The following OPHN1 variants were observed in gnomAD, a reference collection of about 807,000 sequenced individuals.
The protein encoded by OPHN1 is oligophrenin 1, also known as oligophrenin-1.
In OPHN1, 11 loss-of-function variants were observed where a neutral mutation model predicts 60.7. That is an observed-to-expected ratio of 0.18 (90% CI 0.11 to 0.30). OPHN1 has a LOEUF of 0.30. Among genes scored for constraint, OPHN1 ranks in the 10% least tolerant of loss-of-function variants. The pLI, the probability that OPHN1 is intolerant of heterozygous loss-of-function variation, is 1.00. For synonymous variants in OPHN1, 226 were observed against 222.6 expected, an observed-to-expected ratio of 1.02 and a Z score of -0.14; for missense variants, 449 against 611.0, an observed-to-expected ratio of 0.73 and a Z score of 2.80.
intron 5 of OPHN1, among the ~76,000 whole-genome samples, chrX:68,244,164 C>T (rs1397419632): frequency 9.0e-6 from 1 of 111,601 alleles, no homozygotes; most frequent in Admixed American, 9.5e-5. Flanking sequence ...ACCTCAGGAC[C>T]TTTGTGCGCT....
At chrX:68,182,034 T>C (rs2077439200) in intron 15 of OPHN1, among the ~76,000 whole-genome samples, 1 of 110,727 alleles carries the variant, frequency 9.0e-6, no homozygotes, top group Non-Finnish European at 1.9e-5. Context: ...ACTCAACAGT[T>C]GGCTTGATAG....
chrX:68,346,015 G>A (rs904243583), intron 2 of OPHN1, among the ~76,000 whole-genome samples: 1 of 111,558 alleles, frequency 9.0e-6, no homozygotes, highest in African/African-American at 3.3e-5. Flanking sequence ...TGTAGTCCCA[G>A]CTACTAGGGG....
In OPHN1 at chrX:68,241,643, G is replaced by A. The variant is rs751986803; in HGVS notation, c.385-7055C>T. ...CTTAAAACTCAACAATAAGAGGCTG[G>A]GCACGGTGGCTCACACCTGTAATCC... On this transcript the variant is annotated intron_variant, in intron 5 of 24. Coordinates refer to ENST00000355520, the MANE Select transcript of OPHN1 (RefSeq NM_002547.3). 7.1e-5 allele frequency among the ~76,000 whole-genome samples: 8 copies of A among 111,956 alleles called. No individual in the cohort carries two copies. In the South Asian group the frequency reaches 3.0e-3, roughly 41 times the overall value.
At chrX:68,220,372 T>C (rs2147499207) in intron 6 of OPHN1, among the ~76,000 whole-genome samples, 1 of 111,190 alleles carries the variant, frequency 9.0e-6, no homozygotes, top group South Asian at 3.9e-4. Context: ...ACTGGTACTA[T>C]TCCTTCTGAA....
chrX:68,189,291 A>G (rs2077476757), intron 15 of OPHN1, among the ~76,000 whole-genome samples: 1 of 112,259 alleles, frequency 8.9e-6, no homozygotes, highest in African/African-American at 3.2e-5. Flanking sequence ...ATTTTCATTA[A>G]TAAGATAGTT....
At chrX:68,175,091 A>C (rs778140065) in intron 15 of OPHN1, among the ~76,000 whole-genome samples, 1 of 110,011 alleles carries the variant, frequency 9.1e-6, no homozygotes, top group African/African-American at 3.3e-5. Flanking sequence ...TCAAAAAAAA[A>C]AGAAAAAAAA....
chrX:68,187,723 G>T (rs922202230), intron 15 of OPHN1, among the ~76,000 whole-genome samples: 2 of 110,267 alleles, frequency 1.8e-5, no homozygotes, highest in African/African-American at 6.6e-5. Context: ...TGCCTCCCAG[G>T]TTTACGCCAT....
chrX:68,101,225 T>C (rs1462749067), intron 18 of OPHN1, among the ~76,000 whole-genome samples: 1 of 112,421 alleles, frequency 8.9e-6, no homozygotes, highest in African/African-American at 3.2e-5. Context: ...CATTGTCATA[T>C]CATCATGTAA....
At chrX:68,082,412 T>C (rs1450687070) in intron 19 of OPHN1, among the ~76,000 whole-genome samples, 1 of 112,341 alleles carries the variant, frequency 8.9e-6, no homozygotes, top group Non-Finnish European at 1.9e-5. Flanking sequence ...ATCTACTTCT[T>C]AAATAATAAG....
At chrX:68,222,569 C>G (rs1451009975) in intron 6 of OPHN1, among the ~76,000 whole-genome samples, 6 of 101,921 alleles carry the variant, frequency 5.9e-5, no homozygotes, top group Non-Finnish European at 1.0e-4. Flanking sequence ...GAAAATGTGG[C>G]ACATATACAC....
At chrX:68,241,889 C>G (rs2077782498) in intron 5 of OPHN1, among the ~76,000 whole-genome samples, 1 of 110,769 alleles carries the variant, frequency 9.0e-6, no homozygotes, top group Admixed American at 9.7e-5. Context: ...TCATTGCACT[C>G]CAGTCTGGGC....
chrX:68,142,225 T>C (rs767321362), intron 15 of OPHN1, among the ~76,000 whole-genome samples: 29 of 112,497 alleles, frequency 2.6e-4, no homozygotes, highest in Non-Finnish European at 2.1e-4. Flanking sequence ...TCAGTCTGTA[T>C]GACCCTGGAA....
chrX:68,136,773 G>T (rs771374410), intron 15 of OPHN1, among the ~76,000 whole-genome samples: 1 of 112,019 alleles, frequency 8.9e-6, no homozygotes, highest in South Asian at 3.7e-4. Flanking sequence ...ATAAACCATG[G>T]CATATAGTAT....
At position 68,392,844 on chromosome X, in the gene OPHN1, AT is replaced by A. The variant is rs1178044221; in HGVS notation, c.154+40022del. 1.6e-3 allele frequency among the ~76,000 whole-genome samples: 175 copies of A among 108,950 alleles called. 2 individuals carry two copies. Among genetic ancestry groups the A allele is most frequent in the Non-Finnish European group, 8.4e-4 (44 of 52,492 alleles). 94.6% of individuals were successfully genotyped at this position (108,950 alleles called of 115,157 possible). On this transcript the variant is annotated intron_variant, in intron 2 of 24. Transcript: ENST00000355520. ...CAGGGGAAGATCATCTTCCCACTCG[AT>A]CCCCCCTTCCAGCTCCCCATCCGGC...
chrX:68,430,264 G>C (rs1444157849), intron 2 of OPHN1, among the ~76,000 whole-genome samples: 1 of 111,823 alleles, frequency 8.9e-6, no homozygotes, highest in African/African-American at 3.2e-5. Flanking sequence ...CTGTGGTCAA[G>C]ACAGTAGGAA....
At chrX:68,182,605 G>A (rs1391132702) in intron 15 of OPHN1, among the ~76,000 whole-genome samples, 1 of 111,603 alleles carries the variant, frequency 9.0e-6, no homozygotes, top group Non-Finnish European at 1.9e-5. Context: ...TGGAAATACT[G>A]AAGTTGTTGA....
At chrX:68,315,264 G>C (rs892328786) in intron 2 of OPHN1, among the ~76,000 whole-genome samples, 52 of 107,883 alleles carry the variant, frequency 4.8e-4, no homozygotes, top group African/African-American at 1.7e-3. Context: ...AGGGAAGAAA[G>C]AAAGAAAGAG....
At chrX:68,268,707 T>C (rs969179172) in intron 5 of OPHN1, among the ~76,000 whole-genome samples, 5 of 110,965 alleles carry the variant, frequency 4.5e-5, no homozygotes, top group Non-Finnish European at 9.4e-5. Context: ...CTCTCACCAC[T>C]CCTATTCAAC....
At chrX:68,330,203 G>A (rs1308705605) in intron 2 of OPHN1, among the ~76,000 whole-genome samples, 3 of 109,185 alleles carry the variant, frequency 2.7e-5, no homozygotes, top group Non-Finnish European at 5.7e-5. Flanking sequence ...GGGTTCAAGC[G>A]ATTCTCCCGC....
Sources: allele counts gnomAD v4.1 joint callset (sites outside exome capture counted in the v4.1 genomes callset), GRCh38; gene constraint gnomAD v4.1.1; transcripts MANE v1.5; gene names NCBI Gene and HGNC (gene_info 2026-07-23, HGNC 2026-07-21).